Variants in PCDHA9 observed in about 807,000 individuals in gnomAD.
The protein encoded by PCDHA9 is protocadherin alpha-9.
PCDHA9 carries 62 observed loss-of-function variants against 62.0 expected under a neutral mutation model. That is an observed-to-expected ratio of 1.00 (90% CI 0.81 to 1.23). The LOEUF is 1.23. Among genes scored for constraint, PCDHA9 ranks in the 50% most tolerant of loss-of-function variants. PCDHA9 has a pLI of 0.00. For synonymous variants in PCDHA9, 557 were observed against 567.6 expected, an observed-to-expected ratio of 0.98 and a Z score of 0.27; for missense variants, 1,205 against 1,249.8, an observed-to-expected ratio of 0.96 and a Z score of 0.54.
Position 140,851,530 on chromosome 5 carries a change from A to AT in PCDHA9, c.2394+642dup, listed in dbSNP as rs746126939. ...AAAATATGTTTTAAAATGCCTGACA[A>AT]TGTAGATAATTCAAGAAATGTTGAC... is the stretch of plus-strand genomic sequence containing the variant. On this transcript the variant is annotated intron_variant, in intron 1 of 3. Transcript: ENST00000532602. 7.7e-4 allele frequency: 698 copies of AT among 902,810 alleles called. 38 individuals are homozygous for AT. The highest frequency in any genetic ancestry group is 9.1e-4 in the Non-Finnish European group (671 of 740,872). 55.9% of individuals were successfully genotyped at this position (902,810 alleles called of 1,614,324 possible).
At chr5:140,968,947 C>T (rs1342316299) in intron 1 of PCDHA9, 6 of 1,614,042 alleles carry the variant, frequency 3.7e-6, no homozygotes, top group Non-Finnish European at 5.1e-6. Context: ...TCATTTTGAG[C>T]ATCATCAAGT....
At position 140,998,856 on chromosome 5, in the gene PCDHA9, C is replaced by T. The variant is rs77103467; in HGVS notation, c.2543-10771C>T. 2.6e-3 allele frequency among the ~76,000 whole-genome samples: 397 copies of T among 152,354 alleles called. 2 individuals carry two copies. Among genetic ancestry groups the T allele is most frequent in the African/African-American group, 9.1e-3 (380 of 41,584 alleles). ...TGGATTACTGGTGTGAGCCACATGC[C>T]TGGCCTTGTAAATAATAAGTTTAGT... On this transcript the variant is annotated intron_variant, in intron 3 of 3. Coordinates refer to ENST00000532602, the MANE Select transcript of PCDHA9 (RefSeq NM_031857.2).
chr5:140,950,741 C>G (rs149114023), intron 1 of PCDHA9, among the ~76,000 whole-genome samples: 2,002 of 152,118 alleles, frequency 0.013, 30 homozygotes, highest in South Asian at 0.028. Context: ...ATCCTAATTT[C>G]TCTCTATCCT....
rs781893809 is a variant in PCDHA9 at position 140,883,492 on chromosome 5, G to T, written c.2394+32603G>T. On this transcript the variant is annotated intron_variant, in intron 1 of 3. Transcript: ENST00000532602. ...CCTACAAGAACTACTACTCATTAGT[G>T]CTGGACAGCGCCCTGGACCGCGAGA... The T allele has an allele frequency of 4.3e-5, 69 of 1,614,058 alleles. 1 individual carries two copies. In the South Asian group the frequency reaches 7.5e-4, roughly 17 times the overall value.
intron 1 of PCDHA9, chr5:140,877,684 A>G (rs1247391418): frequency 1.9e-6 from 3 of 1,613,650 alleles, no homozygotes; most frequent in Non-Finnish European, 2.5e-6. Flanking sequence ...GGGCAAGCCC[A>G]CGCTGGTGTG....
At position 140,877,452 on chromosome 5, in the gene PCDHA9, G is replaced by A. The variant is rs116206336; in HGVS notation, c.2394+26563G>A. On this transcript the variant is annotated intron_variant, in intron 1 of 3. Transcript: ENST00000532602. ...AGGACCACGGTGAGCCCGCGCTGAC[G>A]TCCACGGCCACGGTGCTGGTGTCGC... 1,416 of 1,613,822 alleles carry A rather than the reference G, an allele frequency of 8.8e-4. 8 individuals carry two copies. The African/African-American group carries it at 0.017, about 19-fold the overall frequency.
intron 3 of PCDHA9, among the ~76,000 whole-genome samples, chr5:140,998,707 A>G (rs1230153468): frequency 6.6e-6 from 1 of 151,942 alleles, no homozygotes; most frequent in African/African-American, 2.4e-5. Flanking sequence ...TGGGATTACA[A>G]GCTTGCACCA....
intron 2 of PCDHA9, 87 bp downstream of exon 2, chr5:140,979,094 T>C (rs1203462119): frequency 6.4e-7 from 1 of 1,551,870 alleles, no homozygotes; most frequent in Non-Finnish European, 8.7e-7. Flanking sequence ...CAGAAGCAGC[T>C]GTCAAAACTA....
At chr5:140,883,144 A>C (rs782107481) in intron 1 of PCDHA9, 4 of 1,614,086 alleles carry the variant, frequency 2.5e-6, no homozygotes, top group Non-Finnish European at 3.4e-6. Context: ...TGGTATATGC[A>C]TTTACCATAA....
At chr5:140,910,907 G>T (rs1554194477) in intron 1 of PCDHA9, among the ~76,000 whole-genome samples, 3 of 152,102 alleles carry the variant, frequency 2.0e-5, no homozygotes, top group Admixed American at 2.0e-4. Flanking sequence ...CTGTCCTCCA[G>T]ATTTTTGCTT....
intron 1 of PCDHA9, among the ~76,000 whole-genome samples, chr5:140,949,990 C>T (rs2094438709): frequency 6.6e-6 from 1 of 151,832 alleles, no homozygotes; most frequent in Non-Finnish European, 1.5e-5. Context: ...TAACTTTTCT[C>T]AGTCCACTTA....
chr5:140,967,215 G>T (rs782646028), intron 1 of PCDHA9: 1 of 1,613,682 alleles, frequency 6.2e-7, no homozygotes, highest in Non-Finnish European at 8.5e-7. Context: ...CGTTTCCCGC[G>T]GCCCAACTAC....
chr5:140,866,263 T>G (rs1051175533), intron 1 of PCDHA9: 1 of 152,174 alleles, frequency 6.6e-6, no homozygotes, highest in Non-Finnish European at 1.5e-5. Context: ...CTTTCTTTAC[T>G]GTGAATAAAG....
chr5:140,851,068 AATT>A, intron 1 of PCDHA9, 179 bp downstream of exon 1: 1 of 1,354,280 alleles, frequency 7.4e-7, no homozygotes, highest in Non-Finnish European at 9.7e-7. Context: ...TTCTAGTGAG[AATT>A]ATAAACTGTA....
At chr5:140,883,308 C>T (rs782669562) in intron 1 of PCDHA9, 2 of 1,614,102 alleles carry the variant, frequency 1.2e-6, no homozygotes, top group South Asian at 1.1e-5. Flanking sequence ...AATGATAACG[C>T]CCCAGAGGTT....
intron 1 of PCDHA9, chr5:140,868,109 A>G (rs1371639409): frequency 6.6e-6 from 1 of 152,124 alleles, no homozygotes; most frequent in Non-Finnish European, 1.5e-5. Flanking sequence ...AATTTATTTT[A>G]TAGTTGAAAA....
chr5:140,882,918 G>A (rs1554176085), intron 1 of PCDHA9: 1 of 1,614,186 alleles, frequency 6.2e-7, no homozygotes, highest in South Asian at 1.1e-5. Context: ...GCCAGTGATG[G>A]AGGTAAACCC....
chr5:140,982,413 G>A, intron 2 of PCDHA9, 62 bp from the exon 3 acceptor site: 2 of 1,609,608 alleles, frequency 1.2e-6, no homozygotes, highest in Non-Finnish European at 1.7e-6. Flanking sequence ...TTCTGAGGGT[G>A]GAAGAAGAGA....
At chr5:140,993,460 TCTCACA>T (rs782519654) in intron 3 of PCDHA9, among the ~76,000 whole-genome samples, 239 of 104,566 alleles carry the variant, frequency 2.3e-3, no homozygotes, top group Admixed American at 6.0e-3. Context: ...CTTCTTTCTT[TCTCACA>T]CACACACACA....
Sources: allele counts gnomAD v4.1 joint callset (sites outside exome capture counted in the v4.1 genomes callset), GRCh38; gene constraint gnomAD v4.1.1; transcripts MANE v1.5; gene names NCBI Gene and HGNC (gene_info 2026-07-23, HGNC 2026-07-21).